The following STAG1 variants were observed in gnomAD, a reference collection of about 807,000 sequenced individuals.
STAG1 encodes the protein STAG1 cohesin complex component, also known as cohesin subunit SA-1.
A neutral mutation model predicts 170.9 loss-of-function variants in STAG1; 26 were observed. The observed-to-expected ratio is 0.15, with a 90% CI of 0.11 to 0.21. The LOEUF is 0.21. STAG1 is among the 10% of genes least tolerant of loss of function. The pLI, the probability that STAG1 is intolerant of heterozygous loss-of-function variation, is 1.00. For synonymous variants in STAG1, 514 were observed against 497.7 expected, an observed-to-expected ratio of 1.03 and a Z score of -0.44; for missense variants, 964 against 1,509.5, an observed-to-expected ratio of 0.64 and a Z score of 5.99.
intron 21 of STAG1, among the ~76,000 whole-genome samples, chr3:136,402,464 C>T (rs2087355969): frequency 6.6e-6 from 1 of 152,006 alleles, no homozygotes; most frequent in Non-Finnish European, 1.5e-5. Flanking sequence ...GATCTGCCCA[C>T]CTCAGCCTCC....
rs542344119 is a variant in STAG1 at position 136,558,325 on chromosome 3, G to A, written c.394+10440C>T. On this transcript the variant is annotated intron_variant, in intron 5 of 33. Coordinates refer to ENST00000383202, the MANE Select transcript of STAG1 (RefSeq NM_005862.3). ...GAGAATCACTTCAACCTGGGAGGTG[G>A]AGGTTGCAGTGAGCCAAGATTGCAC... 2.6e-5 allele frequency among the ~76,000 whole-genome samples: 4 copies of A among 152,328 alleles called. No individual in the cohort carries two copies. The East Asian group carries it at 5.8e-4, about 22-fold the overall frequency.
At chr3:136,342,927 C>T (rs958944588) in intron 30 of STAG1, among the ~76,000 whole-genome samples, 2 of 152,170 alleles carry the variant, frequency 1.3e-5, no homozygotes, top group African/African-American at 4.8e-5. Flanking sequence ...ATAAGGCAAA[C>T]CACCTTCTAG....
chr3:136,699,643 G>C (rs1942992053), intron 1 of STAG1, among the ~76,000 whole-genome samples: 2 of 151,798 alleles, frequency 1.3e-5, no homozygotes, highest in South Asian at 4.2e-4. Context: ...TGGAGGTAGA[G>C]GCCATTGTTC....
intron 4 of STAG1, among the ~76,000 whole-genome samples, chr3:136,577,774 T>C (rs1457449145): frequency 6.6e-6 from 1 of 152,218 alleles, no homozygotes; most frequent in Non-Finnish European, 1.5e-5. Context: ...GGAACATGTA[T>C]GATAGTAGAT....
chr3:136,507,013 C>G (rs1337353321), intron 7 of STAG1, among the ~76,000 whole-genome samples: 1 of 152,196 alleles, frequency 6.6e-6, no homozygotes, highest in Non-Finnish European at 1.5e-5. Flanking sequence ...AGTCACTCTT[C>G]CAAGCCGTAT....
chr3:136,714,495 G>A (rs759362639), intron 1 of STAG1, among the ~76,000 whole-genome samples: 27 of 151,972 alleles, frequency 1.8e-4, no homozygotes, highest in South Asian at 4.1e-4. Flanking sequence ...TTGGGAGGCC[G>A]AGGCAGGTGG....
chr3:136,477,319 T>C lies in STAG1; in HGVS notation c.996A>G (p.Leu332=), dbSNP rs2107821306. ...YSDAFLNDSY[L]KYVGWTLHDR... is the part of the protein sequence containing the mutation. ...CATGAAGAGTCCAGCCAACATATTT[T>C]AGGTAACTGTCATTTAGGAAGGCAT... is the stretch of plus-strand genomic sequence containing the variant. The change falls in exon 10 of 34, where the codon CTA becomes CTG. Residue 332 remains leucine (L), a synonymous_variant. Transcript: ENST00000383202. The C allele has an allele frequency of 1.2e-6, 2 of 1,613,256 alleles. No individual in the cohort carries two copies. Among genetic ancestry groups the C allele is most frequent in the Non-Finnish European group, 1.7e-6 (2 of 1,179,694 alleles).
intron 1 of STAG1, among the ~76,000 whole-genome samples, chr3:136,673,153 C>T (rs1024027350): frequency 4.6e-5 from 7 of 152,090 alleles, no homozygotes; most frequent in Non-Finnish European, 1.0e-4. Context: ...ATAGGGTAAA[C>T]CTGTTTAGTT....
At chr3:136,518,049 T>TA (rs201749355) in intron 7 of STAG1, 120 of 211,722 alleles carry the variant, frequency 5.7e-4, no homozygotes, top group African/African-American at 2.3e-3. Flanking sequence ...TATATAATGA[T>TA]AAAAAAAACT....
intron 13 of STAG1, among the ~76,000 whole-genome samples, chr3:136,458,181 G>A (rs2089172868): frequency 6.6e-6 from 1 of 151,882 alleles, no homozygotes; most frequent in Non-Finnish European, 1.5e-5. Context: ...TTTTGAGAGT[G>A]AGTCTTGCTC....
At chr3:136,671,746 G>A (rs572233191) in intron 1 of STAG1, among the ~76,000 whole-genome samples, 1 of 152,236 alleles carries the variant, frequency 6.6e-6, no homozygotes, top group South Asian at 2.1e-4. Context: ...GCTGGGCATG[G>A]TGGTGTGCAC....
intron 22 of STAG1, among the ~76,000 whole-genome samples, chr3:136,391,134 T>C (rs1010680524): frequency 2.0e-5 from 3 of 152,222 alleles, no homozygotes; most frequent in Non-Finnish European, 2.9e-5. Context: ...CTAGGGTATA[T>C]TGACTTTCTT....
At chr3:136,521,861 G>C (rs905796460) in intron 6 of STAG1, among the ~76,000 whole-genome samples, 5 of 152,142 alleles carry the variant, frequency 3.3e-5, no homozygotes, top group Non-Finnish European at 7.4e-5. Flanking sequence ...AATTTCAAAA[G>C]TATAAGCATT....
chr3:136,415,751 A>G (rs2087753455), intron 21 of STAG1, among the ~76,000 whole-genome samples: 1 of 152,144 alleles, frequency 6.6e-6, no homozygotes, highest in Non-Finnish European at 1.5e-5. Context: ...GAACCCAGGA[A>G]GCGGAGGTCA....
chr3:136,339,966 G>T (rs1206468731), intron 32 of STAG1, among the ~76,000 whole-genome samples: 1 of 152,108 alleles, frequency 6.6e-6, no homozygotes. Context: ...GAAAGATCTG[G>T]TATGAGCTCT....
At chr3:136,373,849 G>A (rs984892308) in intron 23 of STAG1, among the ~76,000 whole-genome samples, 1 of 152,176 alleles carries the variant, frequency 6.6e-6, no homozygotes, top group Non-Finnish European at 1.5e-5. Flanking sequence ...TTCTGTAGAT[G>A]TTTATTAGGT....
intron 7 of STAG1, among the ~76,000 whole-genome samples, chr3:136,509,881 C>T (rs1237452226): frequency 1.3e-5 from 2 of 152,146 alleles, no homozygotes; most frequent in Admixed American, 6.5e-5. Flanking sequence ...TATTGTTATA[C>T]ACCTTGGAAA....
intron 12 of STAG1, among the ~76,000 whole-genome samples, chr3:136,471,900 C>T (rs1265074552): frequency 2.0e-5 from 3 of 152,120 alleles, no homozygotes; most frequent in African/African-American, 4.8e-5. Context: ...TGCAGTGGCT[C>T]CATTACGACT....
chr3:136,580,030 C>T (rs575754643), intron 4 of STAG1, among the ~76,000 whole-genome samples: 1 of 122,368 alleles, frequency 8.2e-6, no homozygotes, highest in African/African-American at 3.2e-5. Context: ...TCCAGTGGTG[C>T]GATCTCGGCT....
Sources: gnomAD v4.1 joint callset for allele counts (sites outside exome capture counted in the v4.1 genomes callset) on GRCh38, gnomAD v4.1.1 for gene constraint, MANE v1.5 for transcripts, NCBI Gene and HGNC (gene_info 2026-07-23, HGNC 2026-07-21) for gene names.